Variants in SLCO1C1 observed in about 807,000 individuals in gnomAD.
SLCO1C1 encodes the protein solute carrier organic anion transporter family member 1C1, also known as OAT-RP-5.
Under a neutral mutation model 76.4 loss-of-function variants are expected in SLCO1C1, and 70 were observed. That is an observed-to-expected ratio of 0.92 (90% CI 0.76 to 1.12). The LOEUF is 1.12. Ranked by LOEUF, SLCO1C1 falls within the 50% of genes most tolerant of loss-of-function variation. The pLI, the probability that SLCO1C1 is intolerant of heterozygous loss-of-function variation, is 0.00. For missense variants in SLCO1C1, 912 were observed against 823.8 expected, an observed-to-expected ratio of 1.11 and a Z score of -1.31; for synonymous variants, 306 against 286.1, an observed-to-expected ratio of 1.07 and a Z score of -0.70.
At chr12:20,739,744 G>A (rs1948715007) in intron 11 of SLCO1C1, among the ~76,000 whole-genome samples, 1 of 152,176 alleles carries the variant, frequency 6.6e-6, no homozygotes, top group South Asian at 2.1e-4. Context: ...CCACTGGCAG[G>A]TTGAGGGTAG....
At chr12:20,713,106 GTC>G (rs1297098672) in intron 5 of SLCO1C1, among the ~76,000 whole-genome samples, 1 of 143,364 alleles carries the variant, frequency 7.0e-6, no homozygotes, top group Non-Finnish European at 1.5e-5. Context: ...TTGAGACGGA[GTC>G]TCGCTCTGTC....
chr12:20,749,260 CAT>C (rs1412212541), intron 13 of SLCO1C1, among the ~76,000 whole-genome samples: 4 of 152,014 alleles, frequency 2.6e-5, no homozygotes, highest in East Asian at 1.9e-4. Context: ...CAGAAGAAAA[CAT>C]ATACAAAAAA....
At chr12:20,731,796 G>T (rs1449119345) in intron 9 of SLCO1C1, among the ~76,000 whole-genome samples, 3 of 152,248 alleles carry the variant, frequency 2.0e-5, no homozygotes, top group East Asian at 1.9e-4. Flanking sequence ...CAATACAAGG[G>T]TTCCATTCCC....
intron 13 of SLCO1C1, among the ~76,000 whole-genome samples, chr12:20,745,002 G>C (rs370285475): frequency 1.3e-5 from 2 of 152,258 alleles, no homozygotes; most frequent in East Asian, 3.9e-4. Context: ...AAGGAAAATG[G>C]AGAACAATTT....
At chr12:20,716,101 T>C (rs754872730) in intron 6 of SLCO1C1, among the ~76,000 whole-genome samples, 5 of 152,140 alleles carry the variant, frequency 3.3e-5, no homozygotes, top group African/African-American at 7.2e-5. Flanking sequence ...TTTAAATTCA[T>C]TGAGGGGCGC....
Position 20,722,009 on chromosome 12 carries a change from A to G in SLCO1C1, c.981A>G (p.Thr327=). The part of the protein sequence containing the change: ...FIIDDHTDYQ[T]PQGENAKIME... ...TAGATGATCACACAGACTACCAAAC[A>G]CCCCAGGGAGAAAATGCAAAAATAA... The change falls in exon 8 of 15, where the codon ACA becomes ACG. Residue 327 remains threonine (T), a synonymous_variant. Transcript: ENST00000266509. The G allele has an allele frequency of 5.0e-6, 8 of 1,614,040 alleles. No homozygotes were observed. The highest frequency in any genetic ancestry group is 6.8e-6 in the Non-Finnish European group (8 of 1,179,980).
intron 7 of SLCO1C1, among the ~76,000 whole-genome samples, chr12:20,718,374 A>G (rs1385143815): frequency 6.6e-6 from 1 of 152,202 alleles, no homozygotes; most frequent in Non-Finnish European, 1.5e-5. Context: ...CCTAGGAAGA[A>G]AACAACACCC....
chr12:20,733,123 T>C lies in SLCO1C1; in HGVS notation c.1382+19T>C. ...ACCAAGGGTATGTTCCCTCATTAAA[T>C]AGTTTGAGGATATTGGTTTGTTTAA... is the stretch of plus-strand genomic sequence containing the variant. On this transcript the variant is annotated intron_variant, in intron 10 of 14. Coordinates refer to ENST00000266509, the MANE Select transcript of SLCO1C1 (RefSeq NM_017435.5). The C allele has an allele frequency of 6.6e-7, 1 of 1,523,858 alleles. No individual in the cohort carries two copies. Among genetic ancestry groups the C allele is most frequent in the Non-Finnish European group, 8.8e-7 (1 of 1,140,694 alleles). The allele number at this position is 1,523,858 out of a possible 1,614,324, so 94.4% of individuals were successfully genotyped here. A position where few individuals can be genotyped will look rare whatever the true frequency, so the allele number is the denominator to read the frequency against.
At chr12:20,715,352 T>G in intron 6 of SLCO1C1, 67 bp downstream of exon 6, 1 of 1,557,476 alleles carries the variant, frequency 6.4e-7, no homozygotes. Flanking sequence ...TGAATTCCCC[T>G]CTATGCTAAA....
chr12:20,736,944 C>T (rs187797210), intron 10 of SLCO1C1, among the ~76,000 whole-genome samples, 163 bp from the exon 11 acceptor site: 94 of 152,274 alleles, frequency 6.2e-4, no homozygotes, highest in Non-Finnish European at 9.9e-4. Flanking sequence ...AGTAAACTCA[C>T]ATTTCATGAC....
At chr12:20,747,434 A>C (rs11045436) in intron 13 of SLCO1C1, among the ~76,000 whole-genome samples, 1 of 151,882 alleles carries the variant, frequency 6.6e-6, no homozygotes, top group Admixed American at 6.6e-5. Flanking sequence ...GTCTCAAAAA[A>C]AAATAGAGTT....
chr12:20,708,815 C>A (rs1946913880), intron 4 of SLCO1C1, among the ~76,000 whole-genome samples: 1 of 152,032 alleles, frequency 6.6e-6, no homozygotes, highest in African/African-American at 2.4e-5. Flanking sequence ...TTTGAATCAC[C>A]CGAGGCTCTT....
intron 4 of SLCO1C1, among the ~76,000 whole-genome samples, chr12:20,708,345 A>C (rs761585705): frequency 6.6e-5 from 10 of 152,174 alleles, no homozygotes; most frequent in Non-Finnish European, 7.3e-5. Flanking sequence ...TTTTCTAGGC[A>C]GTAAAGAAAG....
intron 11 of SLCO1C1, among the ~76,000 whole-genome samples, chr12:20,738,527 T>C (rs1407094322): frequency 6.6e-6 from 1 of 152,170 alleles, no homozygotes; most frequent in Non-Finnish European, 1.5e-5. Context: ...TATTTTGACT[T>C]ATTTACAGCA....
chr12:20,750,905 A>G (rs1292671492), intron 14 of SLCO1C1, 113 bp downstream of exon 14: 2 of 1,597,702 alleles, frequency 1.3e-6, no homozygotes, highest in Admixed American at 3.4e-5. Context: ...GGTAAAGAAT[A>G]GTCTAATCAA....
Position 20,732,995 on chromosome 12 carries a change from G to A in SLCO1C1, c.1273G>A (p.Ala425Thr), listed in dbSNP as rs541289271. Residue 425 changes from alanine (A) to threonine (T), a missense_variant, in exon 10 of 15, where the codon GCA becomes ACA. By Grantham distance (58) the Ala-to-Thr change is moderately conservative. Transcript: ENST00000266509. ...KKFRISVCGA[A>T]KLYLGSSVFG... ...ATTCAGAATCAGTGTGTGTGGAGCT[G>A]CAAAACTCTACTTGGGATCATCTGT... 101 of 1,613,794 alleles carry A rather than the reference G, an allele frequency of 6.3e-5. 1 individual carries two copies. The South Asian group carries it at 1.1e-3, about 17-fold the overall frequency.
rs777771518 is a variant in SLCO1C1, at chr12:20,715,246, G to A, written c.637G>A (p.Asp213Asn). The A allele has an allele frequency of 1.2e-6, 2 of 1,614,024 alleles. No homozygotes were observed. The highest frequency in any genetic ancestry group is 3.3e-5 in the Admixed American group (2 of 60,020). Residue 213 changes from aspartate to asparagine, a missense_variant, in exon 6 of 15, where the codon GAT becomes AAT. Transcript: ENST00000266509. ...TCAGCCTTTGGGCATTGCCTACCTG[G>A]ATGATTTTGCCAGTGAAGACAATGC... ...PIQPLGIAYLDDFASEDNAAF... is the reference protein window; with the variant it reads ...PIQPLGIAYLNDFASEDNAAF...
At chr12:20,744,345 T>A (rs1463390976) in intron 13 of SLCO1C1, among the ~76,000 whole-genome samples, 1 of 152,064 alleles carries the variant, frequency 6.6e-6, no homozygotes, top group Non-Finnish European at 1.5e-5. Flanking sequence ...CAAAACTGAT[T>A]TGACAAAAAT....
Position 20,711,414 on chromosome 12 carries a change from T to C in SLCO1C1, c.433T>C (p.Ser145Pro). ...QYKYERYSPS[S>P]NSTLSISPCL... ...CAAATATGAGAGATATTCTCCTTCC[T>C]CCAATTCCACTCTCAGCATCTCTCC... The change falls in exon 5 of 15, where the codon TCC becomes CCC. Residue 145 changes from serine to proline, a missense_variant. Transcript: ENST00000266509. 1 of 1,613,516 alleles carries C rather than the reference T, an allele frequency of 6.2e-7. No individual in the cohort carries two copies. The highest frequency in any genetic ancestry group is 8.5e-7 in the Non-Finnish European group (1 of 1,179,704).
Sources: allele counts gnomAD v4.1 joint callset (sites outside exome capture counted in the v4.1 genomes callset), GRCh38; gene constraint gnomAD v4.1.1; transcripts MANE v1.5; gene names NCBI Gene and HGNC (gene_info 2026-07-23, HGNC 2026-07-21).